Variants in SGCZ observed in about 807,000 individuals in gnomAD.
The protein encoded by SGCZ is zeta-sarcoglycan.
Under a neutral mutation model 41.3 loss-of-function variants are expected in SGCZ, and 40 were observed. That is an observed-to-expected ratio of 0.97 (90% CI 0.75 to 1.26). The LOEUF is 1.26. Ranked by LOEUF, SGCZ falls within the 50% of genes most tolerant of loss-of-function variation. SGCZ has a pLI of 0.00. For synonymous variants in SGCZ, 206 were observed against 137.5 expected (o/e 1.50, Z -3.49); for missense variants, 552 against 369.8 (o/e 1.49, Z -4.04).
rs1003588602 is a variant in SGCZ at position 15,022,413 on chromosome 8, G to A, written c.39+215172C>T. Among the ~76,000 whole-genome samples the A allele has an allele frequency of 6.6e-5, 10 of 151,926 alleles. 1 individual carries two copies. The South Asian group carries it at 1.0e-3, about 16-fold the overall frequency. On this transcript the variant is annotated intron_variant, in intron 1 of 7. Transcript: ENST00000382080. ...CACTGGAGTGCAGTGGCACAATCTC[G>A]GCTCACTGGAACCTCCGCCTCCTGG...
At chr8:14,460,314 T>C (rs1244393314) in intron 2 of SGCZ, among the ~76,000 whole-genome samples, 6 of 152,190 alleles carry the variant, frequency 3.9e-5, no homozygotes, top group Non-Finnish European at 7.3e-5. Flanking sequence ...TCATCCATGA[T>C]TGAAAACTCA....
At chr8:14,966,193 C>A (rs112345873) in intron 1 of SGCZ, among the ~76,000 whole-genome samples, 97 of 151,444 alleles carry the variant, frequency 6.4e-4, no homozygotes, top group South Asian at 1.5e-3. Context: ...TAAACAAACC[C>A]AAGGCAAGAA....
chr8:14,167,277 G>C (rs1020048257), intron 4 of SGCZ, among the ~76,000 whole-genome samples: 1 of 152,084 alleles, frequency 6.6e-6, no homozygotes, highest in African/African-American at 2.4e-5. Flanking sequence ...TCTAAGATAG[G>C]TCAAGGCAGG....
intron 1 of SGCZ, among the ~76,000 whole-genome samples, chr8:14,769,463 C>T (rs1800157237): frequency 6.6e-6 from 1 of 152,126 alleles, no homozygotes; most frequent in African/African-American, 2.4e-5. Context: ...TTTTATGTAT[C>T]AGTGCTCATA....
intron 2 of SGCZ, among the ~76,000 whole-genome samples, chr8:14,527,579 C>T (rs1802992692): frequency 6.6e-6 from 1 of 151,978 alleles, no homozygotes; most frequent in Admixed American, 6.6e-5. Flanking sequence ...TTAAAAATGC[C>T]ACGCCATGAT....
intron 2 of SGCZ, among the ~76,000 whole-genome samples, chr8:14,375,111 T>TAGATAGAC (rs1804065771): frequency 6.7e-6 from 1 of 150,152 alleles, no homozygotes; most frequent in African/African-American, 2.5e-5. Flanking sequence ...GATAGATAGA[T>TAGATAGAC]AGACAGACAG....
intron 1 of SGCZ, among the ~76,000 whole-genome samples, chr8:14,598,038 G>C (rs1282374265): frequency 1.3e-5 from 2 of 152,132 alleles, no homozygotes; most frequent in African/African-American, 4.8e-5. Context: ...AATTATTGGA[G>C]TTAGAGCAAA....
intron 3 of SGCZ, among the ~76,000 whole-genome samples, chr8:14,302,808 GAT>G (rs1489883605): frequency 6.6e-6 from 1 of 152,090 alleles, no homozygotes; most frequent in Admixed American, 6.6e-5. Flanking sequence ...AAAACTACCA[GAT>G]ACAGAATTGT....
At chr8:14,814,332 C>T (rs1289626272) in intron 1 of SGCZ, among the ~76,000 whole-genome samples, 3 of 152,036 alleles carry the variant, frequency 2.0e-5, no homozygotes, top group Non-Finnish European at 4.4e-5. Context: ...AACTAGGGCC[C>T]TGTTTGAGTT....
At chr8:14,457,054 C>T (rs1198235334) in intron 2 of SGCZ, among the ~76,000 whole-genome samples, 1 of 152,148 alleles carries the variant, frequency 6.6e-6, no homozygotes, top group African/African-American at 2.4e-5. Context: ...ACAGAGAACA[C>T]GAGCTGTTCC....
chr8:14,298,920 T>C (rs539392058), intron 3 of SGCZ, among the ~76,000 whole-genome samples: 2 of 152,118 alleles, frequency 1.3e-5, no homozygotes, highest in South Asian at 2.1e-4. Flanking sequence ...CTTATAGTAC[T>C]TGACTTCAAT....
At chr8:14,117,381 TA>T (rs1220644758) in intron 5 of SGCZ, among the ~76,000 whole-genome samples, 1 of 141,188 alleles carries the variant, frequency 7.1e-6, no homozygotes, top group Non-Finnish European at 1.5e-5. Flanking sequence ...TGAGAAAGCT[TA>T]AATTGTGACA....
intron 2 of SGCZ, among the ~76,000 whole-genome samples, chr8:14,388,767 C>G (rs548245325): frequency 6.7e-6 from 1 of 150,278 alleles, no homozygotes; most frequent in African/African-American, 2.4e-5. Context: ...CTCCATGATG[C>G]AAGTTTACTA....
chr8:14,671,102 G>A (rs1225031302), intron 1 of SGCZ, among the ~76,000 whole-genome samples: 1 of 152,188 alleles, frequency 6.6e-6, no homozygotes, highest in African/African-American at 2.4e-5. Context: ...ATTTATATAT[G>A]TAATAGTTCC....
At chr8:14,810,424 T>C (rs1392358874) in intron 1 of SGCZ, among the ~76,000 whole-genome samples, 2 of 152,018 alleles carry the variant, frequency 1.3e-5, no homozygotes, top group Non-Finnish European at 2.9e-5. Flanking sequence ...GCTTTGCTGA[T>C]TTTTTTAACC....
chr8:14,948,114 T>C (rs1800513056), intron 1 of SGCZ, among the ~76,000 whole-genome samples: 1 of 152,194 alleles, frequency 6.6e-6, no homozygotes, highest in Admixed American at 6.5e-5. Flanking sequence ...GGTACTATTC[T>C]TTTCTTTAAG....
At chr8:15,098,760 A>G (rs931280320) in intron 1 of SGCZ, among the ~76,000 whole-genome samples, 1 of 152,176 alleles carries the variant, frequency 6.6e-6, no homozygotes, top group Non-Finnish European at 1.5e-5. Flanking sequence ...ATGAATGAAT[A>G]AAAAAGTAGT....
At chr8:14,315,988 C>T (rs12056706) in intron 3 of SGCZ, among the ~76,000 whole-genome samples, 37,585 of 151,590 alleles carry the variant, frequency 0.25, 5,087 homozygotes, top group East Asian at 0.39. Flanking sequence ...GTAACAAAAG[C>T]GAGTTCTGTT....
intron 2 of SGCZ, among the ~76,000 whole-genome samples, chr8:14,537,081 C>T (rs992092118): frequency 1.6e-4 from 24 of 152,058 alleles, no homozygotes; most frequent in African/African-American, 5.3e-4. Context: ...CATCATGACT[C>T]TAACAGCTCT....
Sources: gnomAD v4.1 joint callset for allele counts (sites outside exome capture counted in the v4.1 genomes callset) on GRCh38, gnomAD v4.1.1 for gene constraint, MANE v1.5 for transcripts, NCBI Gene and HGNC (gene_info 2026-07-23, HGNC 2026-07-21) for gene names.